Variants in SNTG1 observed in about 807,000 individuals in gnomAD.
The protein encoded by SNTG1 is syntrophin gamma 1.
SNTG1 carries 39 observed loss-of-function variants against 74.7 expected under a neutral mutation model. The ratio of observed to expected loss-of-function variants is 0.52; its 90% CI spans 0.40 to 0.68. The LOEUF (loss-of-function observed/expected upper bound fraction) is 0.68. Ranked by LOEUF, SNTG1 falls within the 30% of genes least tolerant of loss-of-function variation. The pLI is 0.00. For missense variants in SNTG1, 685 were observed against 609.5 expected (o/e 1.12, Z -1.30); for synonymous variants, 254 against 217.1 (o/e 1.17, Z -1.49).
intron 2 of SNTG1, among the ~76,000 whole-genome samples, chr8:50,217,024 TAA>T (rs1215373925): frequency 5.9e-5 from 9 of 151,388 alleles, no homozygotes; most frequent in Non-Finnish European, 1.3e-4. Context: ...TATATATTTA[TAA>T]GTTTATTAGT....
chr8:50,470,541 T>C (rs1023165694), intron 8 of SNTG1, among the ~76,000 whole-genome samples: 3 of 152,052 alleles, frequency 2.0e-5, no homozygotes, highest in Admixed American at 6.6e-5. Flanking sequence ...CTCTTAAAGG[T>C]GGCGCGTCCA....
intron 8 of SNTG1, among the ~76,000 whole-genome samples, chr8:50,454,226 G>A (rs1271545013): frequency 6.6e-6 from 1 of 152,198 alleles, no homozygotes; most frequent in Non-Finnish European, 1.5e-5. Context: ...GCCAGGTGCG[G>A]TGGCTCATGC....
intron 2 of SNTG1, among the ~76,000 whole-genome samples, chr8:50,205,164 G>A (rs2084160614): frequency 6.6e-6 from 1 of 152,170 alleles, no homozygotes; most frequent in South Asian, 2.1e-4. Context: ...CACAATGGTT[G>A]AACAAGTTTA....
intron 9 of SNTG1, among the ~76,000 whole-genome samples, chr8:50,525,862 G>A (rs755148526): frequency 5.3e-5 from 8 of 150,298 alleles, no homozygotes; most frequent in Admixed American, 2.0e-4. Context: ...CTTGGTTTTC[G>A]GTGGTTTATT....
At chr8:50,243,975 G>T (rs2129727162) in intron 2 of SNTG1, among the ~76,000 whole-genome samples, 1 of 152,260 alleles carries the variant, frequency 6.6e-6, no homozygotes, top group South Asian at 2.1e-4. Flanking sequence ...TTGCTGTAAA[G>T]AAATACCTGA....
intron 2 of SNTG1, among the ~76,000 whole-genome samples, chr8:50,371,813 A>G (rs965615843): frequency 6.6e-5 from 10 of 152,110 alleles, no homozygotes; most frequent in African/African-American, 2.4e-4. Context: ...TCTTCTGACC[A>G]TTTTTAACTT....
chr8:50,695,324 A>G (rs931944337), intron 15 of SNTG1, among the ~76,000 whole-genome samples: 9 of 152,006 alleles, frequency 5.9e-5, no homozygotes, highest in African/African-American at 2.2e-4. Flanking sequence ...TTTTAAAAAA[A>G]TCAAACAATA....
Position 50,149,721 on chromosome 8 carries a change from T to G in SNTG1, c.-102-22840T>G, listed in dbSNP as rs189102055. Among the ~76,000 whole-genome samples the G allele has an allele frequency of 6.2e-4, 95 of 152,344 alleles. No individual in the cohort carries two copies. The East Asian group carries it at 0.018, about 28-fold the overall frequency. Reference sequence around the variant, plus strand: ...GGTTGTAGATGTGTGGCATTATTTCTGAGGGCTCTGTTCTGTTCCATTGGT... The same window carrying G: ...GGTTGTAGATGTGTGGCATTATTTCGGAGGGCTCTGTTCTGTTCCATTGGT... On this transcript the variant is annotated intron_variant, in intron 1 of 18. Transcript: ENST00000642720.
At chr8:50,360,436 C>T (rs1367020381) in intron 2 of SNTG1, among the ~76,000 whole-genome samples, 2 of 152,052 alleles carry the variant, frequency 1.3e-5, no homozygotes, top group South Asian at 2.1e-4. Context: ...GCCATTGTGA[C>T]CTCCTAGAAA....
intron 1 of SNTG1, among the ~76,000 whole-genome samples, chr8:50,105,732 T>C (rs1020039888): frequency 6.6e-6 from 1 of 152,106 alleles, no homozygotes; most frequent in African/African-American, 2.4e-5. Context: ...AATCTCATTG[T>C]AGAGAAATTT....
At chr8:50,034,513 A>C (rs951883400) in intron 1 of SNTG1, among the ~76,000 whole-genome samples, 5 of 145,338 alleles carry the variant, frequency 3.4e-5, no homozygotes, top group Non-Finnish European at 6.1e-5. Context: ...GTGAGAGCAG[A>C]GGTTGCTCAC....
At chr8:50,104,365 T>C (rs142457698) in intron 1 of SNTG1, among the ~76,000 whole-genome samples, 2,411 of 152,314 alleles carry the variant, frequency 0.016, 67 homozygotes, top group African/African-American at 0.055. Context: ...GTTTGAAGTA[T>C]TCTCTGATGG....
chr8:50,589,105 A>AT (rs2130864752), intron 12 of SNTG1, among the ~76,000 whole-genome samples: 1 of 152,166 alleles, frequency 6.6e-6, no homozygotes, highest in African/African-American at 2.4e-5. Context: ...TTCTTGCCTT[A>AT]TTTTTGAGCC....
At chr8:50,516,963 C>G (rs1039760247) in intron 9 of SNTG1, among the ~76,000 whole-genome samples, 1 of 152,072 alleles carries the variant, frequency 6.6e-6, no homozygotes, top group African/African-American at 2.4e-5. Context: ...AGACAGTTAT[C>G]AAGAAGAGCA....
chr8:50,332,632 C>T (rs1425290721), intron 2 of SNTG1, among the ~76,000 whole-genome samples: 2 of 152,106 alleles, frequency 1.3e-5, no homozygotes, highest in African/African-American at 4.8e-5. Flanking sequence ...GATCTGACAC[C>T]ATCTTATATA....
intron 12 of SNTG1, among the ~76,000 whole-genome samples, chr8:50,564,217 A>G (rs772729759): frequency 2.6e-5 from 4 of 151,868 alleles, no homozygotes; most frequent in Non-Finnish European, 4.4e-5. Flanking sequence ...CTCTGGATGT[A>G]GAAGCCCTTT....
intron 18 of SNTG1, among the ~76,000 whole-genome samples, chr8:50,789,906 A>G (rs1178046683): frequency 6.6e-6 from 1 of 151,942 alleles, no homozygotes; most frequent in Non-Finnish European, 1.5e-5. Flanking sequence ...TCTGCCAAGT[A>G]CTTCTTAATT....
chr8:50,715,242 C>T (rs574896843), intron 17 of SNTG1, among the ~76,000 whole-genome samples: 1 of 152,170 alleles, frequency 6.6e-6, no homozygotes, highest in African/African-American at 2.4e-5. Context: ...TGTAAATATC[C>T]ATTGTGATTA....
At chr8:50,172,665 A>T (rs1385608214) in intron 2 of SNTG1, 30 bp downstream of exon 2, 1 of 151,972 alleles carries the variant, frequency 6.6e-6, no homozygotes, top group Non-Finnish European at 1.5e-5. Context: ...ATAACGTATC[A>T]TGTGTAAATT....
Sources: allele counts gnomAD v4.1 joint callset (sites outside exome capture counted in the v4.1 genomes callset), GRCh38; gene constraint gnomAD v4.1.1; transcripts MANE v1.5; gene names NCBI Gene and HGNC (gene_info 2026-07-23, HGNC 2026-07-21).